TTN: variants seen among roughly 807,000 people sequenced by gnomAD.
The protein encoded by TTN is connectin.
Under a neutral mutation model 3,223.0 loss-of-function variants are expected in TTN, and 1,525 were observed. That is an observed-to-expected ratio of 0.47 (90% CI 0.45 to 0.49). The LOEUF is 0.49. TTN is among the 20% of genes least tolerant of loss of function. TTN has a pLI of 0.00. For missense variants in TTN, 40,786 were observed against 43,424.0 expected (o/e 0.94, Z 5.40); for synonymous variants, 14,094 against 15,161.0 (o/e 0.93, Z 5.17).
In TTN at chr2:178,571,459, CT is replaced by C; in HGVS notation, c.74672del (p.Lys24891ArgfsTer11). 1 of 1,613,384 alleles carries C rather than the reference CT, an allele frequency of 6.2e-7. No individual in the cohort carries two copies. The highest frequency in any genetic ancestry group is 8.5e-7 in the Non-Finnish European group (1 of 1,179,586). On this transcript the variant is annotated frameshift_variant, in exon 326 of 363. Transcript: ENST00000589042. LOFTEE classifies it high-confidence loss of function. ...FRIAAENRYG[K>X]STYLNSEPTV... The stretch of plus-strand genomic sequence containing the variant: ...TAGGCTCTGAATTGAGGTAGGTACT[CT>C]TCCCATATCTGTTTTCAGCTGCAAT...
rs1699918406 is a variant in TTN at position 178,552,735 on chromosome 2, G to A, written c.90165C>T (p.Asp30055=). Reference sequence around the variant, plus strand: ...CTGTGATGACGCTACCACCATCAAAGTCAGGTTTGGTCCAGCTGAGGATGA... The same window carrying A: ...CTGTGATGACGCTACCACCATCAAAATCAGGTTTGGTCCAGCTGAGGATGA... The part of the protein sequence containing the change: ...TSVILSWTKP[D]FDGGSVITEY... The change falls in exon 335 of 363, where the codon GAC becomes GAT. Residue 30055 remains aspartate (D), a synonymous_variant. Transcript: ENST00000589042. 1 of 1,613,944 alleles carries A rather than the reference G, an allele frequency of 6.2e-7. No individual in the cohort carries two copies. Among genetic ancestry groups the A allele is most frequent in the Non-Finnish European group, 8.5e-7 (1 of 1,179,834 alleles).
At position 178,527,188 on chromosome 2, in the gene TTN, C is replaced by A. The variant is rs368277535; in HGVS notation, c.107800G>T (p.Gly35934Ter). The change falls in exon 363 of 363, where the codon GGA becomes TGA. Residue 35934 changes from glycine to a stop codon, truncating the protein, a stop_gained. Transcript: ENST00000589042. LOFTEE classifies it high-confidence loss of function. ...PTPEVTWSCG[G>*]RKIHSQEQGR... ...TGTTCTTGACTGTGGATTTTTCTTC[C>A]ACCACAGGACCATGTTACTTCTGGG... 12 of 1,613,930 alleles carry A rather than the reference C, an allele frequency of 7.4e-6. No homozygotes were observed. The highest frequency in any genetic ancestry group is 1.0e-5 in the Non-Finnish European group (12 of 1,179,872).
chr2:178,595,930 T>A, intron 294 of TTN, 121 bp from the exon 295 acceptor site: 1 of 930,948 alleles, frequency 1.1e-6, no homozygotes, highest in Non-Finnish European at 1.6e-6. Flanking sequence ...TTGTGTCTAC[T>A]AATTGAGTTA....
At chr2:178,681,884 G>A in intron 135 of TTN, 146 bp from the exon 136 acceptor site, 1 of 612,060 alleles carries the variant, frequency 1.6e-6, no homozygotes, top group Non-Finnish European at 2.6e-6. Context: ...AGAGATCCAA[G>A]CAGAACAAGC....
In TTN at chr2:178,573,618, T is replaced by C. The variant is rs1457842450; in HGVS notation, c.72514A>G (p.Asn24172Asp). The C allele has an allele frequency of 4.0e-6, 6 of 1,500,330 alleles. No homozygotes were observed. The highest frequency in any genetic ancestry group is 2.7e-6 in the Non-Finnish European group (3 of 1,127,464). The allele number at this position is 1,500,330 out of a possible 1,614,324, so 92.9% of individuals were successfully genotyped here. ...KRETSRLAWT[N>D]VASEVQVTKL... Reference sequence around the variant, plus strand: ...GTTACTTGGACTTCTGAGGCTACATTTGTCCATGCCAATCTGCTGGTTTCA... The same window carrying C: ...GTTACTTGGACTTCTGAGGCTACATCTGTCCATGCCAATCTGCTGGTTTCA... Residue 24172 changes from asparagine to aspartate, a missense_variant, in exon 326 of 363, where the codon AAT becomes GAT. Transcript: ENST00000589042.
chr2:178,634,902 A>G lies in TTN; in HGVS notation c.42025-53T>C. ...TTGAAAGAGATAAATTCCCTATAGG[A>G]GAAGTGTTTCAGATACAAATTTCTA... On this transcript the variant is annotated intron_variant, in intron 228 of 362. Transcript: ENST00000589042. This position sits in a 1 kb window ranked among gnomAD's most constrained non-coding sequence, Gnocchi z 4.6. 6.4e-7 allele frequency: 1 copy of G among 1,561,226 alleles called. No homozygotes were observed. The highest frequency in any genetic ancestry group is 8.6e-7 in the Non-Finnish European group (1 of 1,160,288).
Position 178,563,759 on chromosome 2 carries a change from G to A in TTN, c.82373C>T (p.Ser27458Phe), listed in dbSNP as rs1335006996. 1 of 1,613,716 alleles carries A rather than the reference G, an allele frequency of 6.2e-7. No individual in the cohort carries two copies. The highest frequency in any genetic ancestry group is 8.5e-7 in the Non-Finnish European group (1 of 1,179,750). Residue 27458 changes from serine to phenylalanine, a missense_variant, in exon 326 of 363, where the codon TCT becomes TTT. Coordinates refer to ENST00000589042, the MANE Select transcript of TTN (RefSeq NM_001267550.2). This position sits in a 1 kb window ranked among gnomAD's most constrained non-coding sequence, Gnocchi z 4.5. The part of the protein sequence containing the change: ...NKYGIGEPLE[S>F]GPVTACNPYK... ...AGGATTACAGGCCGTAACAGGCCCA[G>A]ATTCCAAGGGCTCTCCAATTCCATA... is the stretch of plus-strand genomic sequence containing the variant.
intron 13 of TTN, among the ~76,000 whole-genome samples, chr2:178,786,698 T>C (rs1445810986): frequency 6.6e-6 from 1 of 152,194 alleles, no homozygotes; most frequent in Non-Finnish European, 1.5e-5. Flanking sequence ...TTACTTATGA[T>C]TCCCTAAGGG....
At chr2:178,691,351 G>A (rs558202650) in intron 121 of TTN, among the ~76,000 whole-genome samples, 5 of 152,134 alleles carry the variant, frequency 3.3e-5, no homozygotes, top group African/African-American at 1.2e-4. Flanking sequence ...CCAAAGCAAG[G>A]GATTTGTGAT....
intron 155 of TTN, 58 bp from the exon 156 acceptor site, chr2:178,671,228 A>G (rs2066913519): frequency 7.6e-7 from 1 of 1,312,892 alleles, no homozygotes; most frequent in South Asian, 1.5e-5. Context: ...TTGGAGCACT[A>G]CTACTAACGT....
At chr2:178,621,440 TAGAAATAAAAGA>T (rs765661721) in intron 245 of TTN, 23 bp downstream of exon 245, 29 of 1,483,790 alleles carry the variant, frequency 2.0e-5, no homozygotes, top group Admixed American at 2.5e-5. Flanking sequence ...TGTGAATTGT[TAGAAATAAAAGA>T]TTATTCACTG....
chr2:178,600,637 T>C (rs548945400), intron 288 of TTN: 1 of 590,028 alleles, frequency 1.7e-6, no homozygotes, highest in East Asian at 2.9e-5. Flanking sequence ...ATTACAGACA[T>C]CATCTCCTTT....
rs397517640 is a variant in TTN at position 178,593,226 on chromosome 2, C to T, written c.58982G>A (p.Gly19661Asp). 1.9e-5 allele frequency: 30 copies of T among 1,613,274 alleles called. No individual in the cohort carries two copies. The highest frequency in any genetic ancestry group is 2.7e-5 in the African/African-American group (2 of 74,884). ...EFRVSAENEI[G>D]IGDPSPPSKP... ...GGATGGTGGGCTTGGATCTCCAATA[C>T]CAATTTCATTTTCTGCAGAAACCCG... Residue 19661 changes from glycine to aspartate, a missense_variant, in exon 299 of 363, where the codon GGT becomes GAT. Gly to Asp is a moderately conservative substitution (Grantham distance 94). Transcript: ENST00000589042.
chr2:178,543,057 T>C lies in TTN; in HGVS notation c.96904+12A>G, dbSNP rs1559118789. 1 of 1,531,994 alleles carries C rather than the reference T, an allele frequency of 6.5e-7. No homozygotes were observed. Among genetic ancestry groups the C allele is most frequent in the Non-Finnish European group, 8.7e-7 (1 of 1,142,890 alleles). The allele number at this position is 1,531,994 out of a possible 1,614,324, so 94.9% of individuals were successfully genotyped here. The stretch of plus-strand genomic sequence containing the variant: ...TTTACTTTTTTTTTTTTTTTGGCTA[T>C]TTGGTACATACCTCTGAGGTCTTGT... On this transcript the variant is annotated intron_variant, in intron 347 of 362. Transcript: ENST00000589042.
At chr2:178,705,016 T>C (rs1446886710) in intron 103 of TTN, 50 bp from the exon 104 acceptor site, 1 of 1,602,364 alleles carries the variant, frequency 6.2e-7, no homozygotes, top group East Asian at 2.2e-5. Flanking sequence ...AAATTTGATT[T>C]AGAGGACGCA....
At position 178,721,856 on chromosome 2, in the gene TTN, T is replaced by C; in HGVS notation, c.22807A>G (p.Ser7603Gly). 6.3e-7 allele frequency: 1 copy of C among 1,596,060 alleles called. No homozygotes were observed. Among genetic ancestry groups the C allele is most frequent in the Non-Finnish European group, 8.5e-7 (1 of 1,171,040 alleles). ...AGTCATGGAATGATACCTTTTACAC[T>C]GAGCTGAGCTGAGCACATGTCTTTG... ...VGKDMCSAQL[S>G]VKEPPKFVKK... Residue 7603 changes from serine (S) to glycine (G), a missense_variant, in exon 78 of 363, where the codon AGT (serine) becomes GGT (glycine). Transcript: ENST00000589042.
intron 121 of TTN, among the ~76,000 whole-genome samples, chr2:178,691,040 T>C (rs1053997184): frequency 6.6e-6 from 1 of 152,184 alleles, no homozygotes; most frequent in African/African-American, 2.4e-5. Flanking sequence ...TTAGTATTAG[T>C]ATTGGTTTTA....
In TTN at chr2:178,544,036, C is replaced by T. The variant is rs372773283; in HGVS notation, c.96108G>A (p.Val32036=). The part of the protein sequence containing the change: ...IRAGASLRLM[V]SVSGRPPPVI... ...CAGGAGGTGGTCTTCCAGATACAGA[C>T]ACCATCAAGCGCAAGGAGGCCCCAG... The change falls in exon 346 of 363, where the codon GTG becomes GTA. Residue 32036 remains valine, a synonymous_variant. Transcript: ENST00000589042. 676 of 1,613,616 alleles carry T rather than the reference C, an allele frequency of 4.2e-4. 1 individual carries two copies. In the African/African-American group the frequency reaches 8.3e-3, roughly 20 times the overall value.
chr2:178,682,735 T>C lies in TTN; in HGVS notation c.33056A>G (p.Glu11019Gly). 6.2e-7 allele frequency: 1 copy of C among 1,612,928 alleles called. No individual in the cohort carries two copies. The highest frequency in any genetic ancestry group is 8.5e-7 in the Non-Finnish European group (1 of 1,179,178). ...YDQYEEYEER[E>G]YERYEEHEEY... ...TTCATGCTCTTCATATCGTTCATAC[T>C]CCCGCTCCTCGTATTCTTCATATTG... The change falls in exon 135 of 363, where the codon GAG (glutamate) becomes GGG (glycine). Residue 11019 changes from glutamate to glycine, a missense_variant. Transcript: ENST00000589042.
Sources: gnomAD v4.1 joint callset for allele counts (sites outside exome capture counted in the v4.1 genomes callset) on GRCh38, gnomAD v4.1.1 for gene constraint, Gnocchi (gnomAD v3.1) non-coding constraint, MANE v1.5 for transcripts, NCBI Gene and HGNC (gene_info 2026-07-23, HGNC 2026-07-21) for gene names.